The following CDKL4 variants were observed in gnomAD, a reference collection of about 807,000 sequenced individuals.
CDKL4 encodes cyclin-dependent kinase-like 4.
Under a neutral mutation model 42.0 loss-of-function variants are expected in CDKL4, and 44 were observed. The ratio of observed to expected loss-of-function variants is 1.05; its 90% CI spans 0.82 to 1.35. The LOEUF (loss-of-function observed/expected upper bound fraction) is 1.35, where lower values mean the gene tolerates loss of function less well. Among genes scored for constraint, CDKL4 ranks in the 40% most tolerant of loss-of-function variants. The pLI is 0.00. For synonymous variants in CDKL4, 120 were observed against 121.6 expected, an observed-to-expected ratio of 0.99 and a Z score of 0.09; for missense variants, 393 against 369.9, an observed-to-expected ratio of 1.06 and a Z score of -0.51.
chr2:39,243,848 C>A (rs975849913), intron 1 of CDKL4, among the ~76,000 whole-genome samples, 23 bp downstream of exon 1: 2 of 152,264 alleles, frequency 1.3e-5, no homozygotes, highest in Non-Finnish European at 2.9e-5. Context: ...AGTTCCCCCG[C>A]CACCGGCAGA....
Position 39,214,256 on chromosome 2 carries a change from A to G in CDKL4, c.291-784T>C, listed in dbSNP as rs1306256288. Among the ~76,000 whole-genome samples, 3 of 152,184 alleles carry G rather than the reference A, an allele frequency of 2.0e-5. No individual in the cohort carries two copies. In the East Asian group the frequency reaches 5.8e-4, roughly 29 times the overall value. On this transcript the variant is annotated intron_variant, in intron 3 of 9. Transcript: ENST00000451199. ...CTTTTTAACTTTAATTTTAAAATAA[A>G]AACATTCGTATGGTTCAAATTTTAA... is the stretch of plus-strand genomic sequence containing the variant.
At chr2:39,226,445 T>TTATATATATATTATATATATTATATA (rs994951716) in intron 2 of CDKL4, among the ~76,000 whole-genome samples, 68 of 99,536 alleles carry the variant, frequency 6.8e-4, no homozygotes, top group African/African-American at 1.8e-3. Context: ...ATTATATATA[T>TTATATATATATTATATATATTATATA]TATATATATA....
At chr2:39,243,585 GGCCATAGGTAGGCCTC>G (rs1299010046) in intron 1 of CDKL4, among the ~76,000 whole-genome samples, 1 of 152,128 alleles carries the variant, frequency 6.6e-6, no homozygotes, top group Non-Finnish European at 1.5e-5. Context: ...TCTCTTTCTC[GGCCATAGGTAGGCCTC>G]CGCCTTGCGC....
At chr2:39,230,081 C>G (rs1470334663) in intron 1 of CDKL4, among the ~76,000 whole-genome samples, 2 of 152,214 alleles carry the variant, frequency 1.3e-5, no homozygotes, top group Non-Finnish European at 2.9e-5. Flanking sequence ...ACAAAGCAGT[C>G]TTTAAAAACA....
At chr2:39,187,774 T>C in intron 6 of CDKL4, 65 bp from the exon 7 acceptor site, 1 of 1,105,132 alleles carries the variant, frequency 9.0e-7, no homozygotes, top group Non-Finnish European at 1.4e-6. Flanking sequence ...GTTTAAATGG[T>C]TAATGCCTGA....
chr2:39,222,178 A>G (rs1678412704), intron 3 of CDKL4, among the ~76,000 whole-genome samples: 1 of 152,262 alleles, frequency 6.6e-6, no homozygotes, highest in African/African-American at 2.4e-5. Context: ...CGGTATAAAT[A>G]CCAAGTACCA....
At chr2:39,185,229 TAC>T (rs1675678020) in intron 7 of CDKL4, among the ~76,000 whole-genome samples, 1 of 12,312 alleles carries the variant, frequency 8.1e-5, no homozygotes, top group African/African-American at 1.8e-4. Flanking sequence ...TATATACACA[TAC>T]GTATATATAC....
chr2:39,173,060 C>A (rs1436937582), downstream of CDKL4, among the ~76,000 whole-genome samples: 1 of 152,088 alleles, frequency 6.6e-6, no homozygotes, highest in Non-Finnish European at 1.5e-5. Context: ...GACAGTCATC[C>A]CACCATCCCT....
chr2:39,174,617 T>C (rs1399830037), downstream of CDKL4, among the ~76,000 whole-genome samples: 1 of 152,170 alleles, frequency 6.6e-6, no homozygotes, highest in East Asian at 1.9e-4. Context: ...ATTTCTGGAA[T>C]AAAGTGTATT....
chr2:39,200,679 A>T (rs1676791504), intron 5 of CDKL4, among the ~76,000 whole-genome samples: 1 of 152,222 alleles, frequency 6.6e-6, no homozygotes. Flanking sequence ...ACCAGAAATA[A>T]AGCCAAATAC....
At position 39,212,909 on chromosome 2, in the gene CDKL4, G is replaced by A. The variant is rs1016490159; in HGVS notation, c.363+491C>T. 3.7e-4 allele frequency among the ~76,000 whole-genome samples: 57 copies of A among 152,046 alleles called. 1 individual carries two copies. Among genetic ancestry groups the A allele is most frequent in the East Asian group, 9.7e-4 (5 of 5,150 alleles). On this transcript the variant is annotated intron_variant, in intron 4 of 9. Transcript: ENST00000451199. Reference sequence around the variant, plus strand: ...CTCCTGAGCTCAAAGCCATCTGCCCGCATTGGCTTCCCAAAGTGCTGGGAT... The same window carrying A: ...CTCCTGAGCTCAAAGCCATCTGCCCACATTGGCTTCCCAAAGTGCTGGGAT...
At chr2:39,178,973 G>A (rs1675285187) in intron 9 of CDKL4, 4 of 1,438,848 alleles carry the variant, frequency 2.8e-6, no homozygotes, top group Non-Finnish European at 3.6e-6. Context: ...TGATTCAGGT[G>A]TGTTTGGAAT....
intron 2 of CDKL4, among the ~76,000 whole-genome samples, chr2:39,228,816 C>T (rs1678918106): frequency 1.3e-5 from 2 of 150,788 alleles, no homozygotes; most frequent in Admixed American, 1.3e-4. Context: ...AAAAAATTTA[C>T]ATTGAGAACT....
chr2:39,169,469 G>A, the CDKL4 span, among the ~76,000 whole-genome samples: 1 of 152,086 alleles, frequency 6.6e-6, no homozygotes, highest in Admixed American at 6.5e-5. Flanking sequence ...CTCCTGGCTA[G>A]ATCATAAACA....
chr2:39,190,080 T>C (rs993945656), intron 6 of CDKL4, among the ~76,000 whole-genome samples: 1 of 152,204 alleles, frequency 6.6e-6, no homozygotes, highest in Non-Finnish European at 1.5e-5. Context: ...TGACTTTTCC[T>C]GCAAAGGGAT....
downstream of CDKL4, among the ~76,000 whole-genome samples, chr2:39,175,231 C>T (rs138039778): frequency 1.5e-3 from 235 of 152,204 alleles, 2 homozygotes; most frequent in African/African-American, 5.0e-3. Flanking sequence ...CCAGGAGGAT[C>T]GGCTTGGGTC....
At chr2:39,190,187 A>C (rs1230110453) in intron 6 of CDKL4, 118 bp downstream of exon 6, 5 of 691,814 alleles carry the variant, frequency 7.2e-6, no homozygotes, top group Non-Finnish European at 1.1e-5. Context: ...CCTGAGTGAC[A>C]CTTTGAAGAA....
intron 2 of CDKL4, among the ~76,000 whole-genome samples, chr2:39,227,504 GA>G (rs1678825802): frequency 6.6e-6 from 1 of 152,114 alleles, no homozygotes; most frequent in Admixed American, 6.6e-5. Flanking sequence ...GAGGCAGGAG[GA>G]TCGCGTGAAC....
At chr2:39,184,928 T>C (rs1469478932) in intron 7 of CDKL4, among the ~76,000 whole-genome samples, 1 of 151,480 alleles carries the variant, frequency 6.6e-6, no homozygotes, top group Non-Finnish European at 1.5e-5. Context: ...AGAGATGGGG[T>C]CTTGCTATGT....
Sources: gnomAD v4.1 joint callset for allele counts (sites outside exome capture counted in the v4.1 genomes callset) on GRCh38, gnomAD v4.1.1 for gene constraint, MANE v1.5 for transcripts, NCBI Gene and HGNC (gene_info 2026-07-23, HGNC 2026-07-21) for gene names.